Variants in CR1 observed in about 807,000 individuals in gnomAD.
CR1 encodes the protein complement C3b/C4b receptor 1 (Knops blood group), also known as complement receptor type 1.
A neutral mutation model predicts 187.3 loss-of-function variants in CR1; 116 were observed. The ratio of observed to expected loss-of-function variants is 0.62; its 90% CI spans 0.53 to 0.72. The LOEUF (loss-of-function observed/expected upper bound fraction) is 0.72. Ranked by LOEUF, CR1 falls within the 30% of genes least tolerant of loss-of-function variation. CR1 has a pLI of 0.00. For synonymous variants in CR1, 576 were observed against 747.1 expected, an observed-to-expected ratio of 0.77 and a Z score of 3.73; for missense variants, 1,731 against 2,110.7, an observed-to-expected ratio of 0.82 and a Z score of 3.52.
intron 3 of CR1, among the ~76,000 whole-genome samples, chr1:207,510,746 T>TTTCC (rs71154819): frequency 5.2e-4 from 77 of 148,556 alleles, no homozygotes; most frequent in African/African-American, 1.8e-3. Context: ...TCCTTCCTTC[T>TTTCC]TTCCTTCCTT....
chr1:207,505,348 G>A (rs537781816), intron 1 of CR1, among the ~76,000 whole-genome samples: 3 of 152,068 alleles, frequency 2.0e-5, no homozygotes, highest in African/African-American at 4.8e-5. Flanking sequence ...TATTTTGGGA[G>A]AGGCAGTGTT....
intron 40 of CR1, among the ~76,000 whole-genome samples, chr1:207,616,021 A>C (rs1462426086): frequency 6.6e-6 from 1 of 152,178 alleles, no homozygotes; most frequent in African/African-American, 2.4e-5. Context: ...GAAATCAAAA[A>C]AGGCTCTTTG....
intron 24 of CR1, among the ~76,000 whole-genome samples, chr1:207,566,932 CTT>C (rs1558236121): frequency 1.3e-5 from 2 of 150,244 alleles, no homozygotes; most frequent in Non-Finnish European, 2.9e-5. Context: ...AAGAACATAA[CTT>C]ATATAGAGAT....
At chr1:207,507,524 G>A (rs1400397750) in intron 3 of CR1, 2 of 152,180 alleles carry the variant, frequency 1.3e-5, no homozygotes, top group Non-Finnish European at 2.9e-5. Flanking sequence ...CAATCATAAT[G>A]GATTAGCGCC....
chr1:207,523,132 T>C (rs1178376393), intron 4 of CR1, among the ~76,000 whole-genome samples: 3 of 152,230 alleles, frequency 2.0e-5, no homozygotes, highest in Non-Finnish European at 2.9e-5. Context: ...GTCTACAGTT[T>C]TATAAATATT....
At chr1:207,500,159 T>A (rs1011001199) in intron 1 of CR1, among the ~76,000 whole-genome samples, 10 of 152,180 alleles carry the variant, frequency 6.6e-5, no homozygotes, top group Non-Finnish European at 1.0e-4. Context: ...AATGTGACTG[T>A]TTTTTGTCCC....
chr1:207,586,728 G>A lies in CR1; in HGVS notation c.5531-658G>A, dbSNP rs1571562782. ...CATTCAAATCCCTGCCTCCATCATA[G>A]CCTTTTCCCCTGTGTCTCTATATGT... is the stretch of plus-strand genomic sequence containing the variant. On this transcript the variant is annotated intron_variant, in intron 33 of 46. Transcript: ENST00000367049. 2.0e-5 allele frequency among the ~76,000 whole-genome samples: 3 copies of A among 152,190 alleles called. No homozygotes were observed. In the East Asian group the frequency reaches 5.8e-4, roughly 29 times the overall value.
At chr1:207,636,576 A>G (rs191411353) in intron 46 of CR1, among the ~76,000 whole-genome samples, 2 of 152,302 alleles carry the variant, frequency 1.3e-5, no homozygotes, top group East Asian at 3.9e-4. Context: ...GATCAATACC[A>G]GATTGTGAAT....
rs117864066 is a variant in CR1 at position 207,590,531 on chromosome 1, A to T, written c.5810+1757A>T. 9.8e-5 allele frequency among the ~76,000 whole-genome samples: 15 copies of T among 152,332 alleles called. No individual in the cohort carries two copies. In the East Asian group the frequency reaches 2.5e-3, roughly 25 times the overall value. ...ATACCAAATTGTAAAGACCATCAAC[A>T]ATATGAAGAAACCACATCAACTAAT... is the stretch of plus-strand genomic sequence containing the variant. On this transcript the variant is annotated intron_variant, in intron 35 of 46. Transcript: ENST00000367049.
rs762379001 is a variant in CR1 at position 207,524,024 on chromosome 1, G to C, written c.886+15G>C. The C allele has an allele frequency of 1.3e-5, 21 of 1,611,638 alleles. No individual in the cohort carries two copies. In the African/African-American group the frequency reaches 2.7e-4, roughly 21 times the overall value. On this transcript the variant is annotated intron_variant, in intron 5 of 46. Coordinates refer to ENST00000367049, the MANE Select transcript of CR1 (RefSeq NM_000651.6). ...CTGCTCCAGGGGTGAGTCTGACTGA[G>C]GCCTAGAAGGGCCCTGCCAGTGACA...
intron 35 of CR1, chr1:207,600,795 G>C (rs1661581079): frequency 6.6e-6 from 1 of 152,112 alleles, no homozygotes; most frequent in Non-Finnish European, 1.5e-5. Flanking sequence ...TAACTAATTT[G>C]TCCAAATTCA....
chr1:207,580,614 G>A lies in CR1; in HGVS notation c.5216+1G>A, dbSNP rs1397922779. On this transcript the variant is annotated splice_donor_variant, in intron 31 of 46. Coordinates refer to ENST00000367049, the MANE Select transcript of CR1 (RefSeq NM_000651.6). LOFTEE classifies it high-confidence loss of function. ...AGGTGTCCTTTGTCTGTGATGAAGGGTAAGTGTGACCCAGAATTCAGATCA... is the reference window on the plus strand; with the variant it reads ...AGGTGTCCTTTGTCTGTGATGAAGGATAAGTGTGACCCAGAATTCAGATCA... 1.2e-6 allele frequency: 2 copies of A among 1,611,764 alleles called. No homozygotes were observed. The highest frequency in any genetic ancestry group is 8.5e-7 in the Non-Finnish European group (1 of 1,178,512).
intron 4 of CR1, among the ~76,000 whole-genome samples, chr1:207,522,992 G>T (rs1660045039): frequency 6.6e-6 from 1 of 151,956 alleles, no homozygotes; most frequent in African/African-American, 2.4e-5. Context: ...GAAATGAGTT[G>T]GTAAGCTTCA....
At chr1:207,608,683 G>A (rs1472722649) in intron 36 of CR1, among the ~76,000 whole-genome samples, 2 of 152,078 alleles carry the variant, frequency 1.3e-5, no homozygotes, top group Non-Finnish European at 2.9e-5. Context: ...TTTGTAGGGG[G>A]TTATCTTTTA....
intron 41 of CR1, among the ~76,000 whole-genome samples, chr1:207,617,817 C>T (rs1033370235): frequency 7.9e-5 from 12 of 151,328 alleles, no homozygotes; most frequent in African/African-American, 2.4e-4. Flanking sequence ...GGTAGCTTGT[C>T]GATCCCTGTG....
rs1015139826 is a variant in CR1 at position 207,503,388 on chromosome 1, A to G, written c.122-2516A>G. 3.3e-5 allele frequency among the ~76,000 whole-genome samples: 5 copies of G among 152,220 alleles called. No homozygotes were observed. In the South Asian group the frequency reaches 8.3e-4, roughly 25 times the overall value. On this transcript the variant is annotated intron_variant, in intron 1 of 46. Coordinates refer to ENST00000367049, the MANE Select transcript of CR1 (RefSeq NM_000651.6). ...ATTTCCACAAACTTAGTGGCTTAAG[A>G]CAACAGAAATGTATTCTCTTCCAGT...
intron 35 of CR1, among the ~76,000 whole-genome samples, chr1:207,602,430 G>C (rs979502306): frequency 6.6e-6 from 1 of 151,974 alleles, no homozygotes; most frequent in African/African-American, 2.4e-5. Flanking sequence ...TATGCAAGGG[G>C]AACAAGTAAG....
At chr1:207,586,778 T>C (rs1234658149) in intron 33 of CR1, among the ~76,000 whole-genome samples, 1 of 152,192 alleles carries the variant, frequency 6.6e-6, no homozygotes, top group Non-Finnish European at 1.5e-5. Context: ...TTTTCCCTGA[T>C]AGGGACACCA....
Position 207,581,972 on chromosome 1 carries a change from C to G in CR1, c.5271C>G (p.Ser1757Arg). ...ATTGTGTCTTGGTTGGAATGAGAAG[C>G]CTTTGGAATAACAGTGTTCCTGTGT... is the stretch of plus-strand genomic sequence containing the variant. ...VSHCVLVGMR[S>R]LWNNSVPVCE... The change falls in exon 32 of 47, where the codon AGC becomes AGG. Residue 1757 changes from serine to arginine, a missense_variant. This residue lies in a region of CR1 where 1,312 missense variants were observed against 1,379.6 expected (regional missense o/e 0.95). Transcript: ENST00000367049. The G allele has an allele frequency of 6.2e-7, 1 of 1,612,968 alleles. No individual in the cohort carries two copies. The highest frequency in any genetic ancestry group is 8.5e-7 in the Non-Finnish European group (1 of 1,179,244).
Sources: allele counts gnomAD v4.1 joint callset (sites outside exome capture counted in the v4.1 genomes callset), GRCh38; gene constraint gnomAD v4.1.1; regional missense constraint gnomAD v4.1.1; transcripts MANE v1.5; gene names NCBI Gene and HGNC (gene_info 2026-07-23, HGNC 2026-07-21).